Variants in PRKCE observed in about 807,000 individuals in gnomAD.
PRKCE encodes protein kinase C epsilon type.
Under a neutral mutation model 85.4 loss-of-function variants are expected in PRKCE, and 16 were observed. That is an observed-to-expected ratio of 0.19 (90% CI 0.13 to 0.28). The LOEUF is 0.28. Among genes scored for constraint, PRKCE ranks in the 10% least tolerant of loss-of-function variants. PRKCE has a pLI of 1.00. For synonymous variants in PRKCE, 388 were observed against 371.5 expected (o/e 1.04, Z -0.51); for missense variants, 573 against 975.2 (o/e 0.59, Z 5.49).
chr2:45,784,636 T>G (rs1253200026), intron 1 of PRKCE, among the ~76,000 whole-genome samples: 1 of 152,102 alleles, frequency 6.6e-6, no homozygotes, highest in Non-Finnish European at 1.5e-5. Flanking sequence ...AGCTTTTTGT[T>G]TTTTTTTAAA....
intron 11 of PRKCE, among the ~76,000 whole-genome samples, chr2:46,108,214 T>C (rs754063582): frequency 6.6e-6 from 1 of 152,228 alleles, no homozygotes; most frequent in Non-Finnish European, 1.5e-5. Flanking sequence ...CCTGGCCTTA[T>C]TTTTGAGTTT....
In PRKCE at chr2:46,068,834, T is replaced by C. The variant is rs1230144496; in HGVS notation, c.1438-17374T>C. ...AGAGATCAGCTCAAGTAGGGACTTG[T>C]GAGATACCAGATTGAAATTTAGATT... On this transcript the variant is annotated intron_variant, in intron 10 of 14. Coordinates refer to ENST00000306156, the MANE Select transcript of PRKCE (RefSeq NM_005400.3). This position sits in a 1 kb window ranked among gnomAD's most constrained non-coding sequence, Gnocchi z 4.3. 6.6e-6 allele frequency among the ~76,000 whole-genome samples: 1 copy of C among 152,190 alleles called. No homozygotes were observed. Among genetic ancestry groups the C allele is most frequent in the East Asian group, 1.9e-4 (1 of 5,188 alleles).
chr2:45,663,985 C>G lies in PRKCE; in HGVS notation c.348+11537C>G, dbSNP rs988535713. Among the ~76,000 whole-genome samples the G allele has an allele frequency of 9.9e-5, 15 of 152,190 alleles. 1 individual carries two copies. The highest frequency in any genetic ancestry group is 6.5e-4 in the Admixed American group (10 of 15,284). On this transcript the variant is annotated intron_variant, in intron 1 of 14. Transcript: ENST00000306156. ...TTCATTAATCTATCCATTCATCTAG[C>G]CAACCAGCCATTCAACAAACATATA...
chr2:45,805,654 T>G (rs936323808), intron 1 of PRKCE, among the ~76,000 whole-genome samples: 33 of 151,196 alleles, frequency 2.2e-4, no homozygotes, highest in African/African-American at 8.0e-4. Context: ...TGGAGTGCAG[T>G]GGTGTGGTCT....
chr2:45,705,603 A>G (rs949694132), intron 1 of PRKCE, among the ~76,000 whole-genome samples: 4 of 152,344 alleles, frequency 2.6e-5, no homozygotes, highest in Non-Finnish European at 4.4e-5. Flanking sequence ...CCACTGTCAG[A>G]TAAACCTCCA....
intron 2 of PRKCE, among the ~76,000 whole-genome samples, chr2:45,899,573 G>T (rs1446770475): frequency 1.3e-5 from 2 of 152,020 alleles, no homozygotes; most frequent in African/African-American, 4.8e-5. Flanking sequence ...TGTAGAGACG[G>T]GGCTTTGCCA....
intron 1 of PRKCE, among the ~76,000 whole-genome samples, chr2:45,729,165 T>A (rs1681344533): frequency 6.6e-6 from 1 of 152,214 alleles, no homozygotes; most frequent in Non-Finnish European, 1.5e-5. Context: ...GGCATTGTCC[T>A]TGGGACCCGA....
At position 46,114,588 on chromosome 2, in the gene PRKCE, T is replaced by C. The variant is rs918762915; in HGVS notation, c.1592+28226T>C. 2.4e-4 allele frequency among the ~76,000 whole-genome samples: 36 copies of C among 151,688 alleles called. 1 individual carries two copies. The highest frequency in any genetic ancestry group is 2.0e-3 in the Admixed American group (30 of 15,254). On this transcript the variant is annotated intron_variant, in intron 11 of 14. Coordinates refer to ENST00000306156, the MANE Select transcript of PRKCE (RefSeq NM_005400.3). ...ACCCGCCACCACGCCTGGCTAATTT[T>C]TTGTGTTTTTTTAGTAGAGATGGAG...
At chr2:45,857,982 CACGTGACCGCCAGCTG>C (rs1692811947) in intron 2 of PRKCE, among the ~76,000 whole-genome samples, 1 of 152,202 alleles carries the variant, frequency 6.6e-6, no homozygotes, top group Non-Finnish European at 1.5e-5. Flanking sequence ...CATCCTGTGA[CACGTGACCGCCAGCTG>C]ACGGCTGAGC....
chr2:46,097,139 C>T (rs1162174269), intron 11 of PRKCE, among the ~76,000 whole-genome samples: 1 of 151,946 alleles, frequency 6.6e-6, no homozygotes, highest in Non-Finnish European at 1.5e-5. Flanking sequence ...ACTTTGGGAC[C>T]CAGGGACAGG....
rs1030297038 is a variant in PRKCE, at chr2:46,145,394, T to C, written c.1731+163T>C. Among the ~76,000 whole-genome samples, 4 of 152,156 alleles carry C rather than the reference T, an allele frequency of 2.6e-5. No individual in the cohort carries two copies. Among genetic ancestry groups the C allele is most frequent in the African/African-American group, 9.7e-5 (4 of 41,418 alleles). On this transcript the variant is annotated intron_variant, in intron 12 of 14. Coordinates refer to ENST00000306156, the MANE Select transcript of PRKCE (RefSeq NM_005400.3). The surrounding 1 kb of genome is among the most constrained non-coding windows in gnomAD (Gnocchi z 4.6). ...AAAGGAAAGGAAAAAAGTTTGCTGA[T>C]TGATGTCTGTCAAGAAGTCCTAGTG... is the stretch of plus-strand genomic sequence containing the variant.
chr2:46,000,995 A>G (rs1180299648), intron 6 of PRKCE: 5 of 152,200 alleles, frequency 3.3e-5, no homozygotes, highest in African/African-American at 4.8e-5. Context: ...CCAGACTTCA[A>G]TGAGCAGGTT....
intron 2 of PRKCE, among the ~76,000 whole-genome samples, chr2:45,920,614 C>T (rs895178356): frequency 9.2e-5 from 14 of 152,092 alleles, no homozygotes; most frequent in African/African-American, 3.4e-4. Context: ...TAAGCTAAGT[C>T]ACCAATGTCA....
At chr2:45,735,361 G>T (rs1681965871) in intron 1 of PRKCE, among the ~76,000 whole-genome samples, 1 of 152,182 alleles carries the variant, frequency 6.6e-6, no homozygotes, top group African/African-American at 2.4e-5. Context: ...TTGCAAAAAG[G>T]AACAATCAAA....
chr2:45,768,338 C>T (rs780112765), intron 1 of PRKCE, among the ~76,000 whole-genome samples: 3 of 152,228 alleles, frequency 2.0e-5, no homozygotes, highest in Non-Finnish European at 4.4e-5. Context: ...ATCTGATTAA[C>T]TCCAAATGAC....
chr2:46,062,386 A>G (rs1380239181), intron 10 of PRKCE, among the ~76,000 whole-genome samples: 1 of 152,088 alleles, frequency 6.6e-6, no homozygotes, highest in Non-Finnish European at 1.5e-5. Context: ...GTCCTACTCA[A>G]ATTAGTCAGA....
intron 1 of PRKCE, among the ~76,000 whole-genome samples, chr2:45,796,619 G>T (rs960495777): frequency 1.3e-5 from 2 of 152,130 alleles, no homozygotes; most frequent in African/African-American, 4.8e-5. Context: ...CTGCAAAATG[G>T]GGTTGATATG....
intron 2 of PRKCE, among the ~76,000 whole-genome samples, chr2:45,912,305 T>G: frequency 6.6e-6 from 1 of 152,100 alleles, no homozygotes; most frequent in East Asian, 1.9e-4. Context: ...CAGTAATAGA[T>G]AGAGGGCCCC....
chr2:46,042,924 T>G (rs1708297764), intron 10 of PRKCE, among the ~76,000 whole-genome samples: 1 of 152,206 alleles, frequency 6.6e-6, no homozygotes, highest in Non-Finnish European at 1.5e-5. Context: ...GAAGAAAGTT[T>G]CAGAAACCAC....
Sources: allele counts gnomAD v4.1 joint callset (sites outside exome capture counted in the v4.1 genomes callset), GRCh38; gene constraint gnomAD v4.1.1; non-coding constraint Gnocchi (gnomAD v3.1); transcripts MANE v1.5; gene names NCBI Gene and HGNC (gene_info 2026-07-23, HGNC 2026-07-21).